Variants in SYTL5 observed in about 807,000 individuals in gnomAD.
The protein encoded by SYTL5 is synaptotagmin-like protein 5.
In SYTL5, 34 loss-of-function variants were observed where a neutral mutation model predicts 55.9. The ratio of observed to expected loss-of-function variants is 0.61; its 90% confidence interval spans 0.46 to 0.81. The LOEUF (loss-of-function observed/expected upper bound fraction) is 0.81, where lower values mean the gene tolerates loss of function less well. Ranked by LOEUF, SYTL5 falls within the 30% of genes least tolerant of loss-of-function variation. The probability of loss-of-function intolerance (pLI) is 0.00; values close to 1 mark genes in which losing one functional copy is unlikely to be tolerated. For synonymous variants in SYTL5, 221 were observed against 188.7 expected, an observed-to-expected ratio of 1.17 and a Z score of -1.40; for missense variants, 637 against 546.7, an observed-to-expected ratio of 1.17 and a Z score of -1.65.
intron 3 of SYTL5, among the ~76,000 whole-genome samples, chrX:38,059,736 T>C (rs1247928107): frequency 9.0e-6 from 1 of 111,252 alleles, no homozygotes; most frequent in Non-Finnish European, 1.9e-5. Context: ...CACACAGCTC[T>C]TTTCCCACCA....
chrX:38,022,220 T>G (rs1423470402), intron 1 of SYTL5, among the ~76,000 whole-genome samples: 1 of 112,171 alleles, frequency 8.9e-6, no homozygotes, highest in African/African-American at 3.2e-5. Flanking sequence ...ACCCAAACTT[T>G]GAATAAAGCT....
At chrX:38,071,553 C>A (rs981728091) in intron 3 of SYTL5, among the ~76,000 whole-genome samples, 1 of 111,973 alleles carries the variant, frequency 8.9e-6, no homozygotes, top group African/African-American at 3.2e-5. Context: ...AGAATCTTTT[C>A]ATCACAGAGA....
chrX:37,892,638 A>G, the SYTL5 span, among the ~76,000 whole-genome samples: 1 of 92,463 alleles, frequency 1.1e-5, no homozygotes. Flanking sequence ...ATATTAGTAT[A>G]TATGTATATA....
chrX:38,070,413 GTGTA>G (rs1407307435), intron 3 of SYTL5, among the ~76,000 whole-genome samples: 1 of 110,814 alleles, frequency 9.0e-6, no homozygotes, highest in African/African-American at 3.3e-5. Flanking sequence ...AGTGGGCCAA[GTGTA>G]TGTGTCTTTC....
At chrX:38,118,920 AAT>A (rs61288420) in intron 13 of SYTL5, among the ~76,000 whole-genome samples, 51,512 of 88,792 alleles carry the variant, frequency 0.58, 14,130 homozygotes, top group East Asian at 0.87. Context: ...ATGCCCAGCT[AAT>A]ATATATATAT....
chrX:37,896,722 A>T, the SYTL5 span, among the ~76,000 whole-genome samples: 1 of 111,776 alleles, frequency 8.9e-6, no homozygotes, highest in Non-Finnish European at 1.9e-5. Flanking sequence ...TCACCAGCTG[A>T]CCTCCCAGCT....
Position 38,090,253 on chromosome X carries a change from A to G in SYTL5, c.831+666A>G, listed in dbSNP as rs5964295. Among the ~76,000 whole-genome samples, 898 of 112,071 alleles carry G rather than the reference A, an allele frequency of 8.0e-3. 5 individuals are homozygous for G. The highest frequency in any genetic ancestry group is 0.017 in the African/African-American group (530 of 30,886). The stretch of plus-strand genomic sequence containing the variant: ...TAGGTTGAGTGCACAAATTTTTCCA[A>G]ACTGATTTAAATCTGGAAAAGTAGA... On this transcript the variant is annotated intron_variant, in intron 7 of 16. Coordinates refer to ENST00000297875, the MANE Select transcript of SYTL5 (RefSeq NM_138780.3).
chrX:37,930,892 T>C, the SYTL5 span, among the ~76,000 whole-genome samples: 20 of 111,876 alleles, frequency 1.8e-4, no homozygotes, highest in African/African-American at 6.2e-4. Flanking sequence ...ATGGCAATGA[T>C]AGAGGAAAAA....
At chrX:37,981,512 C>G in the SYTL5 span, among the ~76,000 whole-genome samples, 1 of 110,387 alleles carries the variant, frequency 9.1e-6, no homozygotes, top group Non-Finnish European at 1.9e-5. Context: ...TCCCAGGCTG[C>G]TCTCAAACTC....
intron 3 of SYTL5, among the ~76,000 whole-genome samples, chrX:38,064,917 T>A (rs1190500679): frequency 9.0e-6 from 1 of 111,458 alleles, no homozygotes; most frequent in Non-Finnish European, 1.9e-5. Context: ...CTGTACTCAC[T>A]GATTACTGCA....
At chrX:37,997,573 C>G in the SYTL5 span, among the ~76,000 whole-genome samples, 2 of 112,664 alleles carry the variant, frequency 1.8e-5, no homozygotes, top group Non-Finnish European at 3.8e-5. Context: ...TGCTGACACA[C>G]CAGTTCCCTG....
At chrX:38,011,633 CA>C (rs61594168) in intron 1 of SYTL5, among the ~76,000 whole-genome samples, 24 of 92,500 alleles carry the variant, frequency 2.6e-4, no homozygotes, top group Non-Finnish European at 1.1e-4. Flanking sequence ...GACTCCGTCT[CA>C]AAAAAAAAAA....
the SYTL5 span, among the ~76,000 whole-genome samples, chrX:37,913,193 G>A: frequency 8.9e-6 from 1 of 112,071 alleles, no homozygotes; most frequent in Non-Finnish European, 1.9e-5. Context: ...AGAAATCTGG[G>A]CCTGTGGTGG....
the SYTL5 span, among the ~76,000 whole-genome samples, chrX:37,934,628 TC>T: frequency 9.3e-6 from 1 of 107,805 alleles, no homozygotes; most frequent in Non-Finnish European, 1.9e-5. Flanking sequence ...AAATAATATT[TC>T]TTTTTTTTTT....
intron 3 of SYTL5, among the ~76,000 whole-genome samples, chrX:38,069,894 AACTT>A (rs1936208085): frequency 8.9e-6 from 1 of 111,926 alleles, no homozygotes; most frequent in Non-Finnish European, 1.9e-5. Context: ...ATCCAGAAAT[AACTT>A]AACCCATTCA....
At chrX:37,911,751 T>G in the SYTL5 span, among the ~76,000 whole-genome samples, 1 of 111,634 alleles carries the variant, frequency 9.0e-6, no homozygotes, top group South Asian at 3.8e-4. Context: ...ATTTTGTTAC[T>G]GTTATTAGAA....
the SYTL5 span, among the ~76,000 whole-genome samples, chrX:37,909,633 TA>T: frequency 9.0e-6 from 1 of 111,034 alleles, no homozygotes; most frequent in African/African-American, 3.3e-5. Context: ...TGTTGCACAT[TA>T]AAAATTACCT....
At chrX:38,028,856 G>A (rs904737719) in intron 1 of SYTL5, among the ~76,000 whole-genome samples, 1 of 111,325 alleles carries the variant, frequency 9.0e-6, no homozygotes, top group African/African-American at 3.3e-5. Flanking sequence ...AATGTCTTAG[G>A]GCAGTCACAG....
the SYTL5 span, among the ~76,000 whole-genome samples, chrX:37,926,659 A>T: frequency 2.7e-5 from 3 of 111,831 alleles, no homozygotes; most frequent in East Asian, 8.4e-4. Context: ...CAACTGCATC[A>T]TGTCTGTTAG....
Sources: gnomAD v4.1 joint callset for allele counts (sites outside exome capture counted in the v4.1 genomes callset) on GRCh38, gnomAD v4.1.1 for gene constraint, MANE v1.5 for transcripts, NCBI Gene and HGNC (gene_info 2026-07-23, HGNC 2026-07-21) for gene names.